The following TRAP1 variants were observed in gnomAD, a reference collection of about 807,000 sequenced individuals.
TRAP1 encodes TNF receptor associated protein 1.
TRAP1 carries 102 observed loss-of-function variants against 89.1 expected under a neutral mutation model. The observed-to-expected ratio is 1.15, with a 90% CI of 0.98 to 1.35. The LOEUF is 1.35. Ranked by LOEUF, TRAP1 falls within the 40% of genes most tolerant of loss-of-function variation. The pLI, the probability that TRAP1 is intolerant of heterozygous loss-of-function variation, is 0.00. For synonymous variants in TRAP1, 508 were observed against 388.0 expected, an observed-to-expected ratio of 1.31 and a Z score of -3.64; for missense variants, 1,256 against 945.3, an observed-to-expected ratio of 1.33 and a Z score of -4.31.
At chr16:3,670,796 A>T (rs564515969) in intron 11 of TRAP1, among the ~76,000 whole-genome samples, 1 of 152,164 alleles carries the variant, frequency 6.6e-6, no homozygotes, top group Non-Finnish European at 1.5e-5. Flanking sequence ...GGAGGATATC[A>T]CCGGCAGGCC....
rs375743220 is a variant in TRAP1 at position 3,714,653 on chromosome 16, C to T, written c.88+2768G>A. On this transcript the variant is annotated intron_variant, in intron 1 of 17. Coordinates refer to ENST00000246957, the MANE Select transcript of TRAP1 (RefSeq NM_016292.3). ...CAGCCTGGGCAACAGAGCAAGACTC[C>T]GGCTCAAAAAAAATCAAATAAGATA... Among the ~76,000 whole-genome samples the T allele has an allele frequency of 3.9e-5, 6 of 152,068 alleles. No homozygotes were observed. In the East Asian group the frequency reaches 9.7e-4, roughly 24 times the overall value.
At chr16:3,658,894 A>T in intron 16 of TRAP1, 29 bp from the exon 17 acceptor site, 1 of 1,612,608 alleles carries the variant, frequency 6.2e-7, no homozygotes, top group Middle Eastern at 1.7e-4. Flanking sequence ...CAGAAAAAGC[A>T]GCTCAGTACC....
Position 3,689,093 on chromosome 16 carries a change from A to G in TRAP1, c.292T>C (p.Leu98=). 1.9e-6 allele frequency: 3 copies of G among 1,614,070 alleles called. No individual in the cohort carries two copies. Among genetic ancestry groups the G allele is most frequent in the East Asian group, 2.2e-5 (1 of 44,878 alleles). The change falls in exon 3 of 18, where the codon TTG becomes CTG. Residue 98 remains leucine, a synonymous_variant. Coordinates refer to ENST00000246957, the MANE Select transcript of TRAP1 (RefSeq NM_016292.3). ...HEFQAETKKL[L]DIVARSLYSE... is the part of the protein sequence containing the mutation. ...TACAGGGACCGGGCAACAATGTCCA[A>G]AAGCTTCTTTGTCTCGGCCTGGAAC...
intron 3 of TRAP1, among the ~76,000 whole-genome samples, chr16:3,686,578 A>T (rs1035130584): frequency 5.9e-5 from 9 of 152,122 alleles, no homozygotes; most frequent in South Asian, 2.1e-4. Context: ...CCGCCTCCCA[A>T]AGTGTTGGGA....
chr16:3,715,292 G>C (rs1228360395), intron 1 of TRAP1, among the ~76,000 whole-genome samples: 2 of 152,126 alleles, frequency 1.3e-5, no homozygotes, highest in African/African-American at 4.8e-5. Flanking sequence ...CAAAAAATTA[G>C]CCAGGCATGG....
intron 3 of TRAP1, among the ~76,000 whole-genome samples, chr16:3,688,470 G>A (rs1384426248): frequency 6.6e-6 from 1 of 152,112 alleles, no homozygotes; most frequent in Non-Finnish European, 1.5e-5. Context: ...CAGCAGAGCT[G>A]CACGCTAGGA....
chr16:3,685,207 C>T lies in TRAP1; in HGVS notation c.471+789G>A, dbSNP rs75797158. Among the ~76,000 whole-genome samples, 60 of 152,284 alleles carry T rather than the reference C, an allele frequency of 3.9e-4. No individual in the cohort carries two copies. In the East Asian group the frequency reaches 9.6e-3, roughly 24 times the overall value. On this transcript the variant is annotated intron_variant, in intron 4 of 17. Transcript: ENST00000246957. ...AGGCAGGGAGAGAAGAAACCCACTCCCCACCCAATCCTTATGACCAAGGGC... is the reference window on the plus strand; with the variant it reads ...AGGCAGGGAGAGAAGAAACCCACTCTCCACCCAATCCTTATGACCAAGGGC...
At chr16:3,681,490 C>T (rs945462742) in intron 4 of TRAP1, among the ~76,000 whole-genome samples, 6 of 152,208 alleles carry the variant, frequency 3.9e-5, no homozygotes, top group Non-Finnish European at 7.3e-5. Flanking sequence ...GCATGTTTCA[C>T]GGGCCCCAGC....
intron 1 of TRAP1, among the ~76,000 whole-genome samples, chr16:3,711,779 G>C (rs1043570339): frequency 6.6e-6 from 1 of 152,120 alleles, no homozygotes; most frequent in African/African-American, 2.4e-5. Flanking sequence ...TTTGTTAAAT[G>C]CTGTGGAACT....
intron 15 of TRAP1, chr16:3,662,550 C>T (rs2043144652): frequency 1.8e-6 from 1 of 558,186 alleles, no homozygotes; most frequent in Non-Finnish European, 3.4e-6. Context: ...CCCAAGTGAG[C>T]ATGTGAGCTC....
At chr16:3,714,276 T>A (rs2051569106) in intron 1 of TRAP1, among the ~76,000 whole-genome samples, 1 of 152,146 alleles carries the variant, frequency 6.6e-6, no homozygotes, top group African/African-American at 2.4e-5. Context: ...TCGGGGGCAT[T>A]GGAAATGTAT....
intron 11 of TRAP1, among the ~76,000 whole-genome samples, chr16:3,667,928 T>C (rs1291728397): frequency 7.7e-6 from 1 of 130,424 alleles, no homozygotes; most frequent in Non-Finnish European, 1.6e-5. Context: ...CCGGCTGATT[T>C]TTTTTTTTTT....
intron 1 of TRAP1, among the ~76,000 whole-genome samples, chr16:3,709,840 G>C (rs1406479989): frequency 6.6e-6 from 1 of 152,154 alleles, no homozygotes; most frequent in East Asian, 1.9e-4. Context: ...CGTAGAGACA[G>C]GGTTTCTCCA....
chr16:3,684,481 C>T (rs1017947802), intron 4 of TRAP1, among the ~76,000 whole-genome samples: 2 of 152,104 alleles, frequency 1.3e-5, no homozygotes, highest in Non-Finnish European at 2.9e-5. Flanking sequence ...AATAATCTAT[C>T]AATATTAGTT....
chr16:3,709,115 C>T (rs928347001), intron 1 of TRAP1, among the ~76,000 whole-genome samples: 4 of 150,230 alleles, frequency 2.7e-5, no homozygotes, highest in Admixed American at 6.7e-5. Flanking sequence ...GTGCCTGGCC[C>T]GACACTGTCT....
chr16:3,677,699 A>G (rs1384182836), intron 5 of TRAP1, 41 bp from the exon 6 acceptor site: 5 of 1,597,664 alleles, frequency 3.1e-6, no homozygotes, highest in Non-Finnish European at 4.3e-6. Flanking sequence ...CCTCCCCTCC[A>G]GAGAGCAGAC....
chr16:3,658,343 C>A (rs1253577730), intron 17 of TRAP1, 113 bp from the exon 18 acceptor site: 2 of 823,614 alleles, frequency 2.4e-6, no homozygotes, highest in East Asian at 5.3e-5. Context: ...GGCACGATCT[C>A]GGCTCACTGC....
At chr16:3,668,792 A>C (rs1311710116) in intron 11 of TRAP1, among the ~76,000 whole-genome samples, 1 of 152,166 alleles carries the variant, frequency 6.6e-6, no homozygotes, top group Admixed American at 6.5e-5. Context: ...AGTTTCCACA[A>C]CTATGAGTGA....
At position 3,672,551 on chromosome 16, in the gene TRAP1, T is replaced by C; in HGVS notation, c.1165+149A>G. ...GAGGTGGGGCAGCTCCCGGGGTCTG[T>C]AAACGCGACTGACACACAGGCAGCG... On this transcript the variant is annotated intron_variant, in intron 10 of 17. Transcript: ENST00000246957. 2.3e-6 allele frequency: 3 copies of C among 1,305,090 alleles called. 1 individual carries two copies. Among genetic ancestry groups the C allele is most frequent in the South Asian group, 3.1e-5 (2 of 65,282 alleles). 80.8% of individuals were successfully genotyped at this position (1,305,090 alleles called of 1,614,324 possible). A position where few individuals can be genotyped will look rare whatever the true frequency, so the allele number is the denominator to read the frequency against.
Sources: gnomAD v4.1 joint callset for allele counts (sites outside exome capture counted in the v4.1 genomes callset) on GRCh38, gnomAD v4.1.1 for gene constraint, MANE v1.5 for transcripts, NCBI Gene and HGNC (gene_info 2026-07-23, HGNC 2026-07-21) for gene names.